VPS13D: variants seen among roughly 807,000 people sequenced by gnomAD.
VPS13D encodes intermembrane lipid transfer protein VPS13D.
A neutral mutation model predicts 461.9 loss-of-function variants in VPS13D; 187 were observed. That is an observed-to-expected ratio of 0.40 (90% CI 0.36 to 0.46). VPS13D has a LOEUF of 0.46. Among genes scored for constraint, VPS13D ranks in the 20% least tolerant of loss-of-function variants. VPS13D has a pLI of 0.60. For missense variants in VPS13D, 4,711 were observed against 5,364.9 expected, an observed-to-expected ratio of 0.88 and a Z score of 3.81; for synonymous variants, 1,951 against 1,986.3, an observed-to-expected ratio of 0.98 and a Z score of 0.47.
chr1:12,262,104 C>G, intron 13 of VPS13D, 24 bp downstream of exon 13: 1 of 1,592,838 alleles, frequency 6.3e-7, no homozygotes, highest in Non-Finnish European at 8.6e-7. Flanking sequence ...AAGAAACTAC[C>G]TGCCACTGTT....
chr1:12,368,659 T>C, intron 53 of VPS13D, 68 bp downstream of exon 53: 1 of 1,537,644 alleles, frequency 6.5e-7, no homozygotes, highest in East Asian at 2.3e-5. Flanking sequence ...GTACTGCCCT[T>C]GACACAATGG....
chr1:12,499,087 C>T (rs1019999338), intron 68 of VPS13D, among the ~76,000 whole-genome samples: 3 of 152,062 alleles, frequency 2.0e-5, no homozygotes, highest in African/African-American at 7.2e-5. Flanking sequence ...ACCATGACTG[C>T]TCTTGATATT....
Position 12,508,999 on chromosome 1 carries a change from G to A in VPS13D, c.13142G>A (p.Arg4381Gln), listed in dbSNP as rs755294786. Residue 4381 changes from arginine (R) to glutamine (Q), a missense_variant, in exon 70 of 70, where the codon CGA (arginine) becomes CAA (glutamine). Physicochemically the swap from Arg to Gln is conservative, Grantham distance 43. Coordinates refer to ENST00000620676, the MANE Select transcript of VPS13D (RefSeq NM_015378.4). ...QQLMLRLSEN[R>Q]EQLELDS ...CTTATGTTAAGACTCAGCGAAAACC[G>A]AGAGCAGCTGGAGCTGGACTCCTGA... 7 of 1,614,152 alleles carry A rather than the reference G, an allele frequency of 4.3e-6. No homozygotes were observed. The highest frequency in any genetic ancestry group is 2.2e-5 in the East Asian group (1 of 44,888).
intron 65 of VPS13D, among the ~76,000 whole-genome samples, chr1:12,450,233 G>T (rs1225931229): frequency 1.3e-5 from 2 of 152,164 alleles, no homozygotes; most frequent in Admixed American, 1.3e-4. Flanking sequence ...TTTGGTAACT[G>T]TCAGGGTAAG....
At chr1:12,494,238 T>C (rs1361445026) in intron 67 of VPS13D, among the ~76,000 whole-genome samples, 1 of 152,140 alleles carries the variant, frequency 6.6e-6, no homozygotes, top group Non-Finnish European at 1.5e-5. Flanking sequence ...GTGAAGACAG[T>C]CAAGAAAAGA....
At chr1:12,466,590 G>C (rs1396015868) in intron 67 of VPS13D, among the ~76,000 whole-genome samples, 1 of 152,160 alleles carries the variant, frequency 6.6e-6, no homozygotes, top group Non-Finnish European at 1.5e-5. Context: ...TGTGGCTCCT[G>C]CCTCATACTT....
chr1:12,346,711 CAT>C (rs1643684663), intron 44 of VPS13D, 59 bp downstream of exon 44: 4 of 1,451,032 alleles, frequency 2.8e-6, no homozygotes, highest in Admixed American at 1.9e-5. Context: ...GCACCTGAAT[CAT>C]GTGGATATAC....
intron 35 of VPS13D, 113 bp downstream of exon 35, chr1:12,323,893 G>A (rs755163739): frequency 1.2e-5 from 13 of 1,051,202 alleles, no homozygotes; most frequent in Non-Finnish European, 1.6e-5. Context: ...TTTGGAGGAC[G>A]CTTTATGTGT....
At chr1:12,338,177 C>CTT in intron 39 of VPS13D, 54 bp from the exon 40 acceptor site, 1 of 1,495,522 alleles carries the variant, frequency 6.7e-7, no homozygotes, top group Non-Finnish European at 9.3e-7. Flanking sequence ...AGCAAGTCTT[C>CTT]TTATTTCACT....
chr1:12,438,832 G>A (rs1420274579), intron 65 of VPS13D, among the ~76,000 whole-genome samples: 2 of 152,178 alleles, frequency 1.3e-5, no homozygotes, highest in East Asian at 1.9e-4. Flanking sequence ...CAGGCATAGC[G>A]CTAGCCACTT....
intron 32 of VPS13D, among the ~76,000 whole-genome samples, chr1:12,321,222 T>C (rs577992550): frequency 6.6e-6 from 1 of 152,326 alleles, no homozygotes; most frequent in East Asian, 1.9e-4. Flanking sequence ...ACTCCATATA[T>C]ACCTATCACC....
chr1:12,305,119 A>T (rs1642526344), intron 26 of VPS13D, among the ~76,000 whole-genome samples: 1 of 152,276 alleles, frequency 6.6e-6, no homozygotes, highest in African/African-American at 2.4e-5. Context: ...AAAAGAACAC[A>T]TTAAAAAATA....
intron 63 of VPS13D, among the ~76,000 whole-genome samples, 183 bp from the exon 64 acceptor site, chr1:12,414,904 T>C (rs1046604123): frequency 6.6e-6 from 1 of 152,266 alleles, no homozygotes; most frequent in African/African-American, 2.4e-5. Flanking sequence ...TCTGTCTATA[T>C]ATGTATTTTT....
chr1:12,250,079 A>G (rs1640685894), intron 6 of VPS13D, among the ~76,000 whole-genome samples: 3 of 152,194 alleles, frequency 2.0e-5, no homozygotes, highest in African/African-American at 4.8e-5. Flanking sequence ...TCAGGGAAAC[A>G]CTTTACTTAC....
chr1:12,354,397 G>A (rs925789131), intron 47 of VPS13D, among the ~76,000 whole-genome samples, 176 bp downstream of exon 47: 4 of 152,118 alleles, frequency 2.6e-5, no homozygotes, highest in Non-Finnish European at 5.9e-5. Context: ...TAGAGGTGGC[G>A]GCAGTACATG....
chr1:12,386,016 T>C (rs1469554513), intron 59 of VPS13D, among the ~76,000 whole-genome samples, 169 bp from the exon 60 acceptor site: 1 of 152,212 alleles, frequency 6.6e-6, no homozygotes, highest in Non-Finnish European at 1.5e-5. Flanking sequence ...TCCAGTGAGA[T>C]GATAGCATTT....
At chr1:12,315,769 GTTTCC>G (rs1303225994) in intron 30 of VPS13D, among the ~76,000 whole-genome samples, 4 of 152,022 alleles carry the variant, frequency 2.6e-5, no homozygotes, top group Non-Finnish European at 5.9e-5. Flanking sequence ...GGTTGAAGAT[GTTTCC>G]TTTGAACAAG....
At chr1:12,423,164 A>G (rs1644883771) in intron 65 of VPS13D, among the ~76,000 whole-genome samples, 1 of 152,198 alleles carries the variant, frequency 6.6e-6, no homozygotes, top group Non-Finnish European at 1.5e-5. Flanking sequence ...GATCATCAGA[A>G]TTACCTGGTC....
intron 63 of VPS13D, among the ~76,000 whole-genome samples, chr1:12,408,238 C>T (rs1327644141): frequency 2.0e-5 from 3 of 152,190 alleles, no homozygotes; most frequent in Non-Finnish European, 4.4e-5. Flanking sequence ...TGAAAATGCA[C>T]ATATTCAAGT....
Sources: gnomAD v4.1 joint callset for allele counts (sites outside exome capture counted in the v4.1 genomes callset) on GRCh38, gnomAD v4.1.1 for gene constraint, MANE v1.5 for transcripts, NCBI Gene and HGNC (gene_info 2026-07-23, HGNC 2026-07-21) for gene names.